Variants in MAD1L1 observed in about 807,000 individuals in gnomAD.
MAD1L1 encodes the protein mitotic arrest deficient 1 like 1.
Under a neutral mutation model 96.9 loss-of-function variants are expected in MAD1L1, and 95 were observed. The observed-to-expected ratio is 0.98, with a 90% CI of 0.83 to 1.16. The LOEUF (loss-of-function observed/expected upper bound fraction) is 1.16, where lower values mean the gene tolerates loss of function less well. Ranked by LOEUF, MAD1L1 falls within the 50% of genes most tolerant of loss-of-function variation. The probability of loss-of-function intolerance (pLI) is 0.00; values close to 1 mark genes in which losing one functional copy is unlikely to be tolerated. For synonymous variants in MAD1L1, 473 were observed against 396.6 expected (o/e 1.19, Z -2.29); for missense variants, 1,007 against 954.4 (o/e 1.06, Z -0.73).
Position 2,116,816 on chromosome 7 carries a change from G to A in MAD1L1, c.1073+32336C>T, listed in dbSNP as rs368915814. On this transcript the variant is annotated intron_variant, in intron 11 of 18. Coordinates refer to ENST00000265854, the MANE Select transcript of MAD1L1 (RefSeq NM_001013836.2). The stretch of plus-strand genomic sequence containing the variant: ...AGGAGGCAGGCACATCACCAAGTAC[G>A]AGGTGGTCTGCACCCTGCCTCTGCA... Among the ~76,000 whole-genome samples the A allele has an allele frequency of 2.2e-4, 33 of 152,228 alleles. 2 individuals carry two copies. Among genetic ancestry groups the A allele is most frequent in the Admixed American group, 1.1e-3 (17 of 15,288 alleles).
In MAD1L1 at chr7:1,898,833, C is replaced by T. The variant is rs115262362; in HGVS notation, c.1808-443G>A. Among the ~76,000 whole-genome samples, 1,237 of 152,280 alleles carry T rather than the reference C, an allele frequency of 8.1e-3. 17 individuals are homozygous for T. The highest frequency in any genetic ancestry group is 0.028 in the African/African-American group (1,158 of 41,564). On this transcript the variant is annotated intron_variant, in intron 17 of 18. Coordinates refer to ENST00000265854, the MANE Select transcript of MAD1L1 (RefSeq NM_001013836.2). Reference sequence around the variant, plus strand: ...TTTAGGCGAGAACCGCGTGAGGAGCCGGTGCTGAGGATGTGGGTCCCAAAG... The same window carrying T: ...TTTAGGCGAGAACCGCGTGAGGAGCTGGTGCTGAGGATGTGGGTCCCAAAG...
At chr7:1,864,365 T>G (rs1402231138) in intron 18 of MAD1L1, among the ~76,000 whole-genome samples, 3 of 152,208 alleles carry the variant, frequency 2.0e-5, no homozygotes, top group African/African-American at 7.2e-5. Context: ...CGGGGGAACT[T>G]GCCTTTGGCC....
intron 13 of MAD1L1, among the ~76,000 whole-genome samples, chr7:2,010,340 T>A (rs1266502821): frequency 6.6e-6 from 1 of 152,132 alleles, no homozygotes; most frequent in Admixed American, 6.5e-5. Flanking sequence ...CACTTCTGCC[T>A]AAATCGTTAG....
intron 11 of MAD1L1, among the ~76,000 whole-genome samples, chr7:2,121,368 G>A (rs1025912660): frequency 6.6e-6 from 1 of 152,246 alleles, no homozygotes; most frequent in Non-Finnish European, 1.5e-5. Context: ...GCAGGGATGA[G>A]GGAGGCTGCG....
chr7:2,060,579 T>C (rs554779516), intron 12 of MAD1L1, among the ~76,000 whole-genome samples: 80 of 151,572 alleles, frequency 5.3e-4, no homozygotes, highest in African/African-American at 1.8e-3. Context: ...AGGGAAACAC[T>C]GGAAGGAGGA....
Position 2,103,710 on chromosome 7 carries a change from G to C in MAD1L1, c.1074-34372C>G, listed in dbSNP as rs1786938839. On this transcript the variant is annotated intron_variant, in intron 11 of 18. Coordinates refer to ENST00000265854, the MANE Select transcript of MAD1L1 (RefSeq NM_001013836.2). This position sits in a 1 kb window ranked among gnomAD's most constrained non-coding sequence, Gnocchi z 4.3. ...GAGGAGCCAGGGAGGCGGCTACTCA[G>C]AGGGCAGGTGCTGTCCTCCTCCCTG... Among the ~76,000 whole-genome samples the C allele has an allele frequency of 6.6e-6, 1 of 152,316 alleles. No homozygotes were observed. The highest frequency in any genetic ancestry group is 3.4e-3 in the Middle Eastern group (1 of 294).
Position 2,169,027 on chromosome 7 carries a change from A to C in MAD1L1, c.987-19789T>G, listed in dbSNP as rs7798029. Among the ~76,000 whole-genome samples, 1,343 of 152,338 alleles carry C rather than the reference A, an allele frequency of 8.8e-3. 17 individuals carry two copies. The highest frequency in any genetic ancestry group is 0.031 in the African/African-American group (1,282 of 41,584). On this transcript the variant is annotated intron_variant, in intron 10 of 18. Coordinates refer to ENST00000265854, the MANE Select transcript of MAD1L1 (RefSeq NM_001013836.2). ...ACTAAATGTGTTTTAAAATGCAAAAATGTGTACCCGGTGCTTGTCCTGGCG... is the reference window on the plus strand; with the variant it reads ...ACTAAATGTGTTTTAAAATGCAAAACTGTGTACCCGGTGCTTGTCCTGGCG...
intron 12 of MAD1L1, among the ~76,000 whole-genome samples, chr7:2,020,557 G>A (rs921059240): frequency 2.0e-5 from 3 of 152,338 alleles, no homozygotes; most frequent in African/African-American, 7.2e-5. Flanking sequence ...CTCTGTGAGA[G>A]CAAAGCCAGC....
intron 12 of MAD1L1, among the ~76,000 whole-genome samples, chr7:2,041,225 C>T (rs963735676): frequency 4.6e-5 from 7 of 152,196 alleles, no homozygotes; most frequent in South Asian, 2.1e-4. Flanking sequence ...TCAGAAAATC[C>T]GAGCTGACAA....
Position 2,225,542 on chromosome 7 carries a change from T to G in MAD1L1, c.159A>C (p.Glu53Asp). 1 of 1,613,624 alleles carries G rather than the reference T, an allele frequency of 6.2e-7. No individual in the cohort carries two copies. The highest frequency in any genetic ancestry group is 8.5e-7 in the Non-Finnish European group (1 of 1,180,010). The change falls in exon 4 of 19, where the codon GAA becomes GAC. Residue 53 changes from glutamate (E) to aspartate (D), a missense_variant. Glu to Asp is a conservative substitution (Grantham distance 45). Coordinates refer to ENST00000265854, the MANE Select transcript of MAD1L1 (RefSeq NM_001013836.2). ...ACTTCGAACGGATCTGCTCTGCTCT[T>G]TCCTCCAGCTGAGCAGGTCGCACCC... ...MQYQQSMQLEERAEQIRSKSH... is the reference protein window; with the variant it reads ...MQYQQSMQLEDRAEQIRSKSH...
At chr7:2,181,761 C>T (rs1480528779) in intron 10 of MAD1L1, among the ~76,000 whole-genome samples, 1 of 152,114 alleles carries the variant, frequency 6.6e-6, no homozygotes, top group Non-Finnish European at 1.5e-5. Flanking sequence ...TGCAAAGATA[C>T]GGAACCAGCC....
intron 11 of MAD1L1, among the ~76,000 whole-genome samples, chr7:2,144,514 C>CA (rs1422459364): frequency 6.6e-6 from 1 of 152,200 alleles, no homozygotes; most frequent in African/African-American, 2.4e-5. Flanking sequence ...CACGAGCCCT[C>CA]AGAGCACGCT....
At chr7:2,049,458 G>A (rs1334182720) in intron 12 of MAD1L1, among the ~76,000 whole-genome samples, 1 of 152,226 alleles carries the variant, frequency 6.6e-6, no homozygotes, top group Non-Finnish European at 1.5e-5. Context: ...AAAGGCTCGG[G>A]GGCAGCTCAC....
intron 16 of MAD1L1, among the ~76,000 whole-genome samples, chr7:1,938,989 GCACACA>G (rs771225963): frequency 4.4e-5 from 5 of 113,174 alleles, no homozygotes; most frequent in South Asian, 3.3e-4. Flanking sequence ...GACCAGAGGC[GCACACA>G]CACGCACACA....
intron 15 of MAD1L1, among the ~76,000 whole-genome samples, chr7:1,963,168 C>T (rs1780020712): frequency 6.6e-6 from 1 of 152,152 alleles, no homozygotes; most frequent in Non-Finnish European, 1.5e-5. Context: ...TTCAGAATAG[C>T]CAAAAACCAG....
intron 17 of MAD1L1, among the ~76,000 whole-genome samples, chr7:1,924,603 C>A (rs1788992140): frequency 6.6e-6 from 1 of 152,222 alleles, no homozygotes; most frequent in Admixed American, 6.5e-5. Flanking sequence ...AGAGAACCTA[C>A]TCTAAAGAAG....
intron 18 of MAD1L1, among the ~76,000 whole-genome samples, chr7:1,842,015 T>G (rs1783291669): frequency 6.6e-6 from 1 of 152,168 alleles, no homozygotes; most frequent in South Asian, 2.1e-4. Flanking sequence ...CCACTTACCC[T>G]CCGGCGTCAC....
At chr7:2,086,727 G>A (rs1385789617) in intron 11 of MAD1L1, among the ~76,000 whole-genome samples, 1 of 151,978 alleles carries the variant, frequency 6.6e-6, no homozygotes, top group Non-Finnish European at 1.5e-5. Flanking sequence ...AATTTTTTTT[G>A]TATTTTCAGT....
At chr7:1,953,142 G>A (rs1359693156) in intron 16 of MAD1L1, among the ~76,000 whole-genome samples, 4 of 152,110 alleles carry the variant, frequency 2.6e-5, no homozygotes, top group East Asian at 1.9e-4. Context: ...TGACGGGCCC[G>A]CCCCACCCTG....
Sources: gnomAD v4.1 joint callset for allele counts (sites outside exome capture counted in the v4.1 genomes callset) on GRCh38, gnomAD v4.1.1 for gene constraint, Gnocchi (gnomAD v3.1) non-coding constraint, MANE v1.5 for transcripts, NCBI Gene and HGNC (gene_info 2026-07-23, HGNC 2026-07-21) for gene names.